Variants in SLC9A9 observed in about 807,000 individuals in gnomAD.
SLC9A9 encodes sodium/hydrogen exchanger 9.
A neutral mutation model predicts 77.8 loss-of-function variants in SLC9A9; 62 were observed. The observed-to-expected ratio is 0.80, with a 90% CI of 0.65 to 0.98. SLC9A9 has a LOEUF of 0.98. SLC9A9 is among the 50% of genes least tolerant of loss of function. The pLI, the probability that SLC9A9 is intolerant of heterozygous loss-of-function variation, is 0.00. For synonymous variants in SLC9A9, 320 were observed against 283.5 expected, an observed-to-expected ratio of 1.13 and a Z score of -1.29; for missense variants, 775 against 774.9, an observed-to-expected ratio of 1.00 and a Z score of 0.00.
At chr3:143,598,353 A>G (rs1467633370) in intron 6 of SLC9A9, among the ~76,000 whole-genome samples, 1 of 152,212 alleles carries the variant, frequency 6.6e-6, no homozygotes, top group East Asian at 1.9e-4. Context: ...CTTTTTCCAG[A>G]ATTAAGGAGA....
chr3:143,504,071 C>A (rs1483293199), intron 9 of SLC9A9: 1 of 502,210 alleles, frequency 2.0e-6, no homozygotes, highest in Non-Finnish European at 3.9e-6. Flanking sequence ...CCACTGATGA[C>A]AAGCTTCCCG....
intron 9 of SLC9A9, among the ~76,000 whole-genome samples, chr3:143,548,489 C>T (rs1226918896): frequency 6.6e-6 from 1 of 152,130 alleles, no homozygotes; most frequent in East Asian, 1.9e-4. Flanking sequence ...AGAGACAGGG[C>T]TTACAGTATC....
intron 5 of SLC9A9, among the ~76,000 whole-genome samples, chr3:143,687,767 G>A (rs1933319215): frequency 6.6e-6 from 1 of 151,938 alleles, no homozygotes. Flanking sequence ...TGGAAGCAAT[G>A]AGAAATGCTA....
intron 12 of SLC9A9, among the ~76,000 whole-genome samples, chr3:143,436,799 C>G (rs1576496030): frequency 6.6e-6 from 1 of 152,220 alleles, no homozygotes; most frequent in Admixed American, 6.5e-5. Flanking sequence ...GTGTCCTCAG[C>G]TGGGATGAGT....
At chr3:143,509,761 C>A (rs1449813979) in intron 9 of SLC9A9, among the ~76,000 whole-genome samples, 1 of 152,074 alleles carries the variant, frequency 6.6e-6, no homozygotes, top group Non-Finnish European at 1.5e-5. Flanking sequence ...TGATGATTTT[C>A]AAAAATTAGT....
chr3:143,740,803 A>T (rs1935056611), intron 4 of SLC9A9, among the ~76,000 whole-genome samples: 1 of 152,214 alleles, frequency 6.6e-6, no homozygotes, highest in Non-Finnish European at 1.5e-5. Flanking sequence ...GGAACTACAC[A>T]TTAAGTACTG....
intron 12 of SLC9A9, among the ~76,000 whole-genome samples, chr3:143,408,424 A>C (rs1346404113): frequency 6.6e-6 from 1 of 152,240 alleles, no homozygotes; most frequent in African/African-American, 2.4e-5. Flanking sequence ...AATGTTCATA[A>C]GGCCTGTTCA....
chr3:143,495,588 AAGG>A, intron 9 of SLC9A9, 140 bp from the exon 10 acceptor site: 1 of 658,998 alleles, frequency 1.5e-6, no homozygotes, highest in Non-Finnish European at 2.7e-6. Flanking sequence ...TTAGCCTCTG[AAGG>A]AGGATGGAGG....
chr3:143,722,783 T>C (rs16854207), intron 4 of SLC9A9, among the ~76,000 whole-genome samples: 2,750 of 152,326 alleles, frequency 0.018, 73 homozygotes, highest in African/African-American at 0.061. Flanking sequence ...TTTTCCAAGA[T>C]GATTTTCTAT....
chr3:143,498,358 A>G (rs1381736460), intron 9 of SLC9A9, among the ~76,000 whole-genome samples: 1 of 152,192 alleles, frequency 6.6e-6, no homozygotes, highest in Admixed American at 6.5e-5. Flanking sequence ...GAAATGTTGC[A>G]GCCTGGCCAA....
intron 4 of SLC9A9, among the ~76,000 whole-genome samples, chr3:143,706,888 A>G (rs547070917): frequency 5.0e-4 from 76 of 152,222 alleles, no homozygotes; most frequent in African/African-American, 1.8e-3. Context: ...TCCTTCTTAG[A>G]GTGTGTCCCA....
At chr3:143,436,807 A>G (rs532405836) in intron 12 of SLC9A9, among the ~76,000 whole-genome samples, 1 of 152,336 alleles carries the variant, frequency 6.6e-6, no homozygotes, top group Admixed American at 6.5e-5. Flanking sequence ...AGCTGGGATG[A>G]GTTGGCTGTG....
rs116614381 is a variant in SLC9A9, at chr3:143,410,689, A to G, written c.1470-28575T>C. On this transcript the variant is annotated intron_variant, in intron 12 of 15. Transcript: ENST00000316549. ...TTTGCACTTTACTATTCTTCTTCTA[A>G]TTCCTTAAGTGGTATACATAAATTT... is the stretch of plus-strand genomic sequence containing the variant. Among the ~76,000 whole-genome samples, 403 of 152,220 alleles carry G rather than the reference A, an allele frequency of 2.6e-3. 2 individuals are homozygous for G. Among genetic ancestry groups the G allele is most frequent in the African/African-American group, 9.3e-3 (386 of 41,562 alleles).
intron 14 of SLC9A9, among the ~76,000 whole-genome samples, chr3:143,333,181 G>A: frequency 6.6e-6 from 1 of 151,966 alleles, no homozygotes; most frequent in East Asian, 1.9e-4. Context: ...TCCTGCCTAT[G>A]TGTGCTTTCA....
In SLC9A9 at chr3:143,720,879, G is replaced by T. The variant is rs148328330; in HGVS notation, c.534-27572C>A. On this transcript the variant is annotated intron_variant, in intron 4 of 15. Coordinates refer to ENST00000316549, the MANE Select transcript of SLC9A9 (RefSeq NM_173653.4). ...ACCAATTTACTATTTTAAAGCTATT[G>T]CCCATGTGTAGTTCAATTCTTAAGT... 1.6e-3 allele frequency among the ~76,000 whole-genome samples: 240 copies of T among 150,164 alleles called. 1 individual carries two copies. The Middle Eastern group carries it at 0.017, about 11-fold the overall frequency.
rs147080406 is a variant in SLC9A9 at position 143,768,599 on chromosome 3, C to T, written c.533+26402G>A. On this transcript the variant is annotated intron_variant, in intron 4 of 15. Transcript: ENST00000316549. ...TTAGAGAAAATAACTCCTAATTACG[C>T]ATACAATAAGACACATAGATTATGT... 5.0e-3 allele frequency among the ~76,000 whole-genome samples: 758 copies of T among 152,268 alleles called. 8 individuals are homozygous for T. Among genetic ancestry groups the T allele is most frequent in the Non-Finnish European group, 4.9e-3 (334 of 68,030 alleles).
rs564440245 is a variant in SLC9A9 at position 143,803,792 on chromosome 3, C to G, written c.379-6889G>C. 5.9e-5 allele frequency among the ~76,000 whole-genome samples: 9 copies of G among 152,266 alleles called. No homozygotes were observed. The South Asian group carries it at 1.7e-3, about 28-fold the overall frequency. ...GCATTTCCCTTTCTTCCAGCGCCTA[C>G]ACAGCTGTCCCCGCCTTACATACAG... On this transcript the variant is annotated intron_variant, in intron 2 of 15. Transcript: ENST00000316549.
At chr3:143,384,183 G>A (rs968267722) in intron 12 of SLC9A9, among the ~76,000 whole-genome samples, 9 of 151,792 alleles carry the variant, frequency 5.9e-5, no homozygotes, top group Non-Finnish European at 1.2e-4. Context: ...GAAAGGAGAG[G>A]GGAAGGGATG....
At chr3:143,452,427 G>A (rs1303755923) in intron 12 of SLC9A9, among the ~76,000 whole-genome samples, 3 of 149,734 alleles carry the variant, frequency 2.0e-5, no homozygotes, top group African/African-American at 4.9e-5. Flanking sequence ...AGTCCAGGGT[G>A]TGGAATAGTG....
Sources: gnomAD v4.1 joint callset for allele counts (sites outside exome capture counted in the v4.1 genomes callset) on GRCh38, gnomAD v4.1.1 for gene constraint, MANE v1.5 for transcripts, NCBI Gene and HGNC (gene_info 2026-07-23, HGNC 2026-07-21) for gene names.